SLC15A1: variants seen among roughly 807,000 people sequenced by gnomAD.
SLC15A1 encodes the protein Caco-2 oligopeptide transporter.
In SLC15A1, 83 loss-of-function variants were observed where a neutral mutation model predicts 92.9. The ratio of observed to expected loss-of-function variants is 0.89; its 90% CI spans 0.75 to 1.07. The LOEUF (loss-of-function observed/expected upper bound fraction) is 1.07, where lower values mean the gene tolerates loss of function less well. SLC15A1 is among the 50% of genes least tolerant of loss of function. SLC15A1 has a pLI of 0.00. For synonymous variants in SLC15A1, 322 were observed against 318.2 expected, an observed-to-expected ratio of 1.01 and a Z score of -0.13; for missense variants, 857 against 880.1, an observed-to-expected ratio of 0.97 and a Z score of 0.33.
chr13:98,746,066 C>T (rs1414080364), intron 1 of SLC15A1, among the ~76,000 whole-genome samples: 2 of 152,100 alleles, frequency 1.3e-5, no homozygotes, highest in Non-Finnish European at 2.9e-5. Flanking sequence ...ATGTGTTGTT[C>T]CCCTCTGTGT....
At chr13:98,732,488 A>G (rs2088359086) in intron 1 of SLC15A1, among the ~76,000 whole-genome samples, 2 of 152,194 alleles carry the variant, frequency 1.3e-5, no homozygotes, top group African/African-American at 4.8e-5. Flanking sequence ...ACACAGGAGA[A>G]AACAAGAGAC....
At chr13:98,709,690 G>T in intron 13 of SLC15A1, 30 bp from the exon 14 acceptor site, 1 of 1,614,100 alleles carries the variant, frequency 6.2e-7, no homozygotes, top group East Asian at 2.2e-5. Flanking sequence ...GAAATGTTAA[G>T]CTTGTCTCAA....
intron 1 of SLC15A1, among the ~76,000 whole-genome samples, chr13:98,727,990 T>C (rs1366518598): frequency 2.6e-5 from 4 of 151,874 alleles, no homozygotes; most frequent in Non-Finnish European, 5.9e-5. Context: ...ATTCCTGGAG[T>C]TGTTGATTCT....
At chr13:98,710,808 C>CAAAAAAA (rs4646225) in intron 11 of SLC15A1, among the ~76,000 whole-genome samples, 4 of 71,662 alleles carry the variant, frequency 5.6e-5, no homozygotes, top group Admixed American at 1.9e-4. Context: ...ACTCTTGACT[C>CAAAAAAA]AAAAAAAAAA....
intron 1 of SLC15A1, among the ~76,000 whole-genome samples, chr13:98,750,837 C>A (rs138129914): frequency 6.6e-6 from 1 of 151,108 alleles, no homozygotes; most frequent in South Asian, 2.1e-4. Flanking sequence ...CTGCAACCTT[C>A]GTCTCCTGGG....
chr13:98,706,103 A>G (rs770036455), intron 16 of SLC15A1, 31 bp downstream of exon 16: 1 of 1,593,690 alleles, frequency 6.3e-7, no homozygotes, highest in South Asian at 1.2e-5. Flanking sequence ...TCAGAAGATG[A>G]AAAAGAAGGC....
At chr13:98,695,267 T>C (rs954139390) in intron 18 of SLC15A1, among the ~76,000 whole-genome samples, 3 of 152,150 alleles carry the variant, frequency 2.0e-5, no homozygotes, top group South Asian at 4.1e-4. Flanking sequence ...TTTTTTATTT[T>C]TTAGATACAG....
chr13:98,726,151 T>A lies in SLC15A1; in HGVS notation c.217A>T (p.Ile73Phe), dbSNP rs1303594582. Residue 73 changes from isoleucine to phenylalanine, a missense_variant, in exon 4 of 23, where the codon ATC becomes TTC. Coordinates refer to ENST00000376503, the MANE Select transcript of SLC15A1 (RefSeq NM_005073.4). ...CYLTPILGAL[I>F]ADSWLGKFKT... is the part of the protein sequence containing the mutation. ...AACTTTCCCAGCCACGAGTCGGCGA[T>A]AAGAGCTCCGAGAATTGGCGTCAGG... is the stretch of plus-strand genomic sequence containing the variant. The A allele has an allele frequency of 1.2e-6, 2 of 1,614,066 alleles. No homozygotes were observed. The highest frequency in any genetic ancestry group is 1.7e-6 in the Non-Finnish European group (2 of 1,180,040).
chr13:98,725,907 G>A (rs1301675672), intron 4 of SLC15A1, among the ~76,000 whole-genome samples: 1 of 151,992 alleles, frequency 6.6e-6, no homozygotes, highest in Non-Finnish European at 1.5e-5. Context: ...TTTATTTTTG[G>A]TAGAGATGGG....
At chr13:98,692,277 C>T (rs1173361806) in intron 18 of SLC15A1, among the ~76,000 whole-genome samples, 1 of 150,816 alleles carries the variant, frequency 6.6e-6, no homozygotes, top group African/African-American at 2.4e-5. Context: ...CCTCAGCCTC[C>T]TAAGTAGCTA....
At chr13:98,742,920 C>G (rs542850773) in intron 1 of SLC15A1, among the ~76,000 whole-genome samples, 1 of 152,164 alleles carries the variant, frequency 6.6e-6, no homozygotes, top group African/African-American at 2.4e-5. Context: ...GGACCACAGG[C>G]GTGTGCAGCC....
intron 22 of SLC15A1, among the ~76,000 whole-genome samples, chr13:98,685,766 T>C (rs1271172818): frequency 6.6e-6 from 1 of 152,054 alleles, no homozygotes; most frequent in South Asian, 2.1e-4. Flanking sequence ...GGTGGGCAGA[T>C]AGCGAGGTCA....
chr13:98,709,564 T>A lies in SLC15A1; in HGVS notation c.1067+8A>T. 2 of 1,613,726 alleles carry A rather than the reference T, an allele frequency of 1.2e-6. No individual in the cohort carries two copies. Among genetic ancestry groups the A allele is most frequent in the Non-Finnish European group, 1.7e-6 (2 of 1,179,778 alleles). On this transcript the variant is annotated splice_region_variant and intron_variant, in intron 14 of 22. Coordinates refer to ENST00000376503, the MANE Select transcript of SLC15A1 (RefSeq NM_005073.4). ...AGCCTCAACCAACCCAACCCACCCG[T>A]CACCTACGTGAAATTGAAGCCACAT...
At chr13:98,714,200 G>A (rs1350863543) in intron 9 of SLC15A1, among the ~76,000 whole-genome samples, 3 of 152,118 alleles carry the variant, frequency 2.0e-5, no homozygotes, top group Non-Finnish European at 2.9e-5. Context: ...GTTAAGGAAG[G>A]ACTTGGATGG....
chr13:98,688,503 T>C lies in SLC15A1; in HGVS notation c.1541A>G (p.Asn514Ser), dbSNP rs2139560600. Residue 514 changes from asparagine (N) to serine (S), a missense_variant, in exon 19 of 23, where the codon AAT (asparagine) becomes AGT (serine). By Grantham distance (46) the Asn-to-Ser change is conservative. Coordinates refer to ENST00000376503, the MANE Select transcript of SLC15A1 (RefSeq NM_005073.4). ...AGGAAAAAACTGGTATGTGCTGGCATTGTAGCTGCTGATGTTTGCATAAAC... is the reference window on the plus strand; with the variant it reads ...AGGAAAAAACTGGTATGTGCTGGCACTGTAGCTGCTGATGTTTGCATAAAC... ...GKVYANISSY[N>S]ASTYQFFPSG... The C allele has an allele frequency of 2.5e-6, 4 of 1,614,104 alleles. No individual in the cohort carries two copies. The highest frequency in any genetic ancestry group is 2.2e-5 in the East Asian group (1 of 44,852).
intron 11 of SLC15A1, 57 bp downstream of exon 11, chr13:98,711,797 C>T: frequency 8.0e-7 from 1 of 1,254,826 alleles, no homozygotes; most frequent in East Asian, 2.3e-5. Flanking sequence ...TGGTACCTGG[C>T]AGTGCGGGAT....
chr13:98,747,881 A>C (rs1026087243), intron 1 of SLC15A1, among the ~76,000 whole-genome samples: 1 of 152,220 alleles, frequency 6.6e-6, no homozygotes, highest in Non-Finnish European at 1.5e-5. Context: ...CTGCATCTCA[A>C]AAAACAAATG....
At chr13:98,713,538 T>C (rs2088184724) in intron 9 of SLC15A1, among the ~76,000 whole-genome samples, 1 of 152,190 alleles carries the variant, frequency 6.6e-6, no homozygotes, top group South Asian at 2.1e-4. Flanking sequence ...GAGAAATACA[T>C]TTATTAAAAA....
At chr13:98,690,550 C>T (rs1014331473) in intron 18 of SLC15A1, among the ~76,000 whole-genome samples, 1 of 152,206 alleles carries the variant, frequency 6.6e-6, no homozygotes, top group Middle Eastern at 3.2e-3. Flanking sequence ...TGAAACCATC[C>T]CTAAGGCTAG....
Sources: allele counts gnomAD v4.1 joint callset (sites outside exome capture counted in the v4.1 genomes callset), GRCh38; gene constraint gnomAD v4.1.1; transcripts MANE v1.5; gene names NCBI Gene and HGNC (gene_info 2026-07-23, HGNC 2026-07-21).